SRFBP1: variants seen among roughly 807,000 people sequenced by gnomAD.
The protein encoded by SRFBP1 is serum response factor binding protein 1, also known as serum response factor-binding protein 1.
A neutral mutation model predicts 45.5 loss-of-function variants in SRFBP1; 47 were observed. The observed-to-expected ratio is 1.03, with a 90% CI of 0.82 to 1.32. SRFBP1 has a LOEUF of 1.32. SRFBP1 is among the 40% of genes most tolerant of loss of function. SRFBP1 has a pLI of 0.00. For missense variants in SRFBP1, 621 were observed against 484.6 expected, an observed-to-expected ratio of 1.28 and a Z score of -2.64; for synonymous variants, 203 against 166.3, an observed-to-expected ratio of 1.22 and a Z score of -1.70.
chr5:122,066,746 A>T (rs1350964467), intron 2 of SRFBP1: 2 of 1,597,216 alleles, frequency 1.3e-6, no homozygotes, highest in African/African-American at 2.7e-5. Context: ...TTGCCTTCTA[A>T]TACCTAGATT....
At chr5:121,964,673 T>TA in intron 1 of SRFBP1, among the ~76,000 whole-genome samples, 1 of 152,200 alleles carries the variant, frequency 6.6e-6, no homozygotes. Flanking sequence ...TGTGCCTTTG[T>TA]AGTAGAATGA....
At chr5:122,004,286 AT>A (rs1752936768) in intron 4 of SRFBP1, among the ~76,000 whole-genome samples, 2 of 151,992 alleles carry the variant, frequency 1.3e-5, no homozygotes, top group African/African-American at 4.8e-5. Flanking sequence ...CCTTTAATCC[AT>A]TTTGAGTTGA....
intron 2 of SRFBP1, among the ~76,000 whole-genome samples, chr5:122,033,751 G>A (rs752237772): frequency 1.3e-5 from 2 of 150,708 alleles, no homozygotes; most frequent in Non-Finnish European, 2.9e-5. Context: ...GAGCCCCCAC[G>A]CCCAGCCGGT....
In SRFBP1 at chr5:122,026,927, G is replaced by T. The variant is rs1295651889; in HGVS notation, c.1106-15G>T. 5.7e-6 allele frequency: 9 copies of T among 1,570,830 alleles called. No individual in the cohort carries two copies. In the African/African-American group the frequency reaches 6.9e-5, roughly 12 times the overall value. ...TAAGTATATAGTTATTATTATTTTT[G>T]CTTTCTCTTCCTAGATTTTCCACAG... On this transcript the variant is annotated splice_polypyrimidine_tract_variant and intron_variant, in intron 7 of 7. Transcript: ENST00000339397.
intron 4 of SRFBP1, among the ~76,000 whole-genome samples, chr5:122,001,086 C>G (rs1362107104): frequency 6.6e-6 from 1 of 151,944 alleles, no homozygotes; most frequent in Non-Finnish European, 1.5e-5. Flanking sequence ...TCTCTTTTTT[C>G]TAAACCTCCA....
intron 4 of SRFBP1, among the ~76,000 whole-genome samples, chr5:121,999,733 G>T (rs2112682276): frequency 6.6e-6 from 1 of 152,138 alleles, no homozygotes; most frequent in East Asian, 1.9e-4. Context: ...AGTCTATCTT[G>T]TCTGAAATTT....
In SRFBP1 at chr5:122,027,940, G is replaced by A. The variant is rs1478334800; in HGVS notation, c.*814G>A. ...TTAAATCAAGAATGTATATTATCTA[G>A]TTTTTACTATACTTATTTTAAAATT... On this transcript the variant is annotated 3_prime_UTR_variant, in exon 8 of 8. Transcript: ENST00000339397. 2 of 152,006 alleles carry A rather than the reference G, an allele frequency of 1.3e-5. No homozygotes were observed. Among genetic ancestry groups the A allele is most frequent in the Non-Finnish European group, 1.5e-5 (1 of 67,998 alleles). 9.4% of individuals were successfully genotyped at this position (152,006 alleles called of 1,614,324 possible).
chr5:122,035,372 C>G (rs950770918), intron 2 of SRFBP1, among the ~76,000 whole-genome samples: 1 of 152,170 alleles, frequency 6.6e-6, no homozygotes, highest in African/African-American at 2.4e-5. Flanking sequence ...CTCAGGGCTT[C>G]ATAGTCTCAA....
intron 2 of SRFBP1, among the ~76,000 whole-genome samples, chr5:122,058,778 C>T (rs749521717): frequency 6.2e-4 from 95 of 152,110 alleles, no homozygotes; most frequent in Middle Eastern, 6.8e-3. Context: ...TTTAGATAAG[C>T]CCCAAAGCAG....
At chr5:122,005,582 G>GT (rs1203073954) in intron 4 of SRFBP1, among the ~76,000 whole-genome samples, 1 of 151,880 alleles carries the variant, frequency 6.6e-6, no homozygotes, top group South Asian at 2.1e-4. Context: ...TTTTGTTTTT[G>GT]TTTTTTGTTT....
chr5:122,015,815 T>C (rs1753183730), intron 4 of SRFBP1, among the ~76,000 whole-genome samples: 1 of 152,242 alleles, frequency 6.6e-6, no homozygotes. Flanking sequence ...GTTTATGTAC[T>C]GTATTAGCTT....
chr5:122,044,273 CTA>C (rs1318671082), intron 2 of SRFBP1, among the ~76,000 whole-genome samples: 1 of 152,126 alleles, frequency 6.6e-6, no homozygotes, highest in African/African-American at 2.4e-5. Flanking sequence ...TAGATTGATT[CTA>C]TGTCTTTGCT....
downstream of SRFBP1, among the ~76,000 whole-genome samples, chr5:122,031,216 A>C (rs1753583877): frequency 6.6e-6 from 1 of 152,226 alleles, no homozygotes; most frequent in African/African-American, 2.4e-5. Flanking sequence ...AGACTTTACA[A>C]ATATATAGTT....
chr5:122,006,394 C>G (rs997388669), intron 4 of SRFBP1, among the ~76,000 whole-genome samples: 5 of 152,146 alleles, frequency 3.3e-5, no homozygotes, highest in African/African-American at 9.7e-5. Context: ...TTGAATCTCA[C>G]TGGAGACCTT....
chr5:122,038,295 A>G (rs868786189), intron 2 of SRFBP1, among the ~76,000 whole-genome samples: 19 of 152,200 alleles, frequency 1.2e-4, no homozygotes, highest in Admixed American at 6.5e-5. Context: ...CCCAAAATAT[A>G]GGGTCTGGCA....
chr5:122,026,915 A>G (rs752064757), intron 7 of SRFBP1, 27 bp from the exon 8 acceptor site: 8 of 1,530,930 alleles, frequency 5.2e-6, no homozygotes, highest in South Asian at 4.8e-5. Context: ...GTATATAGTT[A>G]TTATTATTTT....
chr5:122,020,338 A>C lies in SRFBP1; in HGVS notation c.603A>C (p.Ala201=), dbSNP rs368627045. 1.9e-6 allele frequency: 3 copies of C among 1,613,900 alleles called. No individual in the cohort carries two copies. The highest frequency in any genetic ancestry group is 1.7e-6 in the Non-Finnish European group (2 of 1,179,964). ...ATGGACCTAAAGCAGTGACTATTGCAAATTCTCCATCAAAGCCTTCAGAAA... is the reference window on the plus strand; with the variant it reads ...ATGGACCTAAAGCAGTGACTATTGCCAATTCTCCATCAAAGCCTTCAGAAA... ...MEHGPKAVTI[A]NSPSKPSEKD... Residue 201 remains alanine, a synonymous_variant, in exon 6 of 8, where the codon GCA becomes GCC. Coordinates refer to ENST00000339397, the MANE Select transcript of SRFBP1 (RefSeq NM_152546.3).
At chr5:122,052,346 A>G (rs528677780) in intron 2 of SRFBP1, among the ~76,000 whole-genome samples, 3 of 152,258 alleles carry the variant, frequency 2.0e-5, no homozygotes, top group Non-Finnish European at 2.9e-5. Context: ...ATGTTTTTCA[A>G]GTTGTTTGCA....
Position 122,059,817 on chromosome 5 carries a change from C to A in SRFBP1, n.312-15498C>A, listed in dbSNP as rs905037354. Among the ~76,000 whole-genome samples the A allele has an allele frequency of 3.3e-5, 5 of 152,236 alleles. No individual in the cohort carries two copies. The South Asian group carries it at 1.0e-3, about 32-fold the overall frequency. Reference sequence around the variant, plus strand: ...AAAGAGTGCAACGTACCCTAATGTGCTCCTTCCAGAGGGAGACTCGCACTA... The same window carrying A: ...AAAGAGTGCAACGTACCCTAATGTGATCCTTCCAGAGGGAGACTCGCACTA... On this transcript the variant is annotated intron_variant and non_coding_transcript_variant, in intron 2 of 2. Transcript: ENST00000504881.
Sources: allele counts gnomAD v4.1 joint callset (sites outside exome capture counted in the v4.1 genomes callset), GRCh38; gene constraint gnomAD v4.1.1; transcripts MANE v1.5; gene names NCBI Gene and HGNC (gene_info 2026-07-23, HGNC 2026-07-21).